The following AGAP1 variants were observed in gnomAD, a reference collection of about 807,000 sequenced individuals.
AGAP1 encodes the protein arf-GAP with GTPase, ANK repeat and PH domain-containing protein 1.
Under a neutral mutation model 105.3 loss-of-function variants are expected in AGAP1, and 29 were observed. That is an observed-to-expected ratio of 0.28 (90% CI 0.21 to 0.38). The LOEUF (loss-of-function observed/expected upper bound fraction) is 0.38. AGAP1 is among the 10% of genes least tolerant of loss of function. The pLI is 1.00. For missense variants in AGAP1, 998 were observed against 1,165.1 expected (o/e 0.86, Z 2.09); for synonymous variants, 509 against 485.9 (o/e 1.05, Z -0.63).
At chr2:235,763,356 C>T (rs1488804767) in intron 6 of AGAP1, among the ~76,000 whole-genome samples, 1 of 152,062 alleles carries the variant, frequency 6.6e-6, no homozygotes, top group Admixed American at 6.6e-5. Flanking sequence ...AAGAGATCCG[C>T]GACCGTGAAA....
rs1307751156 is a variant in AGAP1 at position 236,090,561 on chromosome 2, G to C, written c.2115-29631G>C. ...AAGCGAGTGAGAGGCGGGGGTCGGA[G>C]GGAGGCCTTCCTCCTGCAGCGTGTT... On this transcript the variant is annotated intron_variant, in intron 16 of 17. Coordinates refer to ENST00000304032, the MANE Select transcript of AGAP1 (RefSeq NM_001037131.3). This position sits in a 1 kb window ranked among gnomAD's most constrained non-coding sequence, Gnocchi z 4.3. Among the ~76,000 whole-genome samples the C allele has an allele frequency of 3.9e-5, 6 of 152,152 alleles. No individual in the cohort carries two copies. The highest frequency in any genetic ancestry group is 1.2e-4 in the African/African-American group (5 of 41,432).
At chr2:235,772,099 A>C (rs781345588) in intron 6 of AGAP1, among the ~76,000 whole-genome samples, 1 of 148,540 alleles carries the variant, frequency 6.7e-6, no homozygotes, top group Non-Finnish European at 1.5e-5. Flanking sequence ...AGTTCAAGTG[A>C]TTCTCTTGCC....
intron 1 of AGAP1, among the ~76,000 whole-genome samples, chr2:235,650,310 C>T (rs778536197): frequency 7.2e-5 from 11 of 152,126 alleles, no homozygotes; most frequent in Non-Finnish European, 1.3e-4. Flanking sequence ...TGCAATGAGC[C>T]GAGATTGTGC....
At chr2:235,680,887 C>T (rs569798077) in intron 1 of AGAP1, among the ~76,000 whole-genome samples, 77 of 152,292 alleles carry the variant, frequency 5.1e-4, no homozygotes, top group African/African-American at 1.7e-3. Flanking sequence ...TGAGCTGACA[C>T]TGGGACTGTG....
rs1334774893 is a variant in AGAP1, at chr2:235,566,590, AGTG to A, written c.163+71743_163+71745del. 2 of 985,336 alleles carry A rather than the reference AGTG, an allele frequency of 2.0e-6. No individual in the cohort carries two copies. The highest frequency in any genetic ancestry group is 5.2e-4 in the Middle Eastern group (1 of 1,914). The allele number at this position is 985,336 out of a possible 1,614,324, so 61.0% of individuals were successfully genotyped here. On this transcript the variant is annotated intron_variant, in intron 1 of 17. Coordinates refer to ENST00000304032, the MANE Select transcript of AGAP1 (RefSeq NM_001037131.3). This position sits in a 1 kb window ranked among gnomAD's most constrained non-coding sequence, Gnocchi z 5.2. ...AGAGGACTAGATGACCAGTGCTGTG[AGTG>A]GGCAGGTCTGTCTCCTGCCTCTCTT...
Position 235,557,816 on chromosome 2 carries a change from C to T in AGAP1, c.163+62967C>T, listed in dbSNP as rs931927065. 1.1e-4 allele frequency among the ~76,000 whole-genome samples: 16 copies of T among 152,256 alleles called. No homozygotes were observed. Among genetic ancestry groups the T allele is most frequent in the African/African-American group, 3.4e-4 (14 of 41,532 alleles). ...GAAAACAACGGACTTGGCTACATTT[C>T]GACAAGGGGAAGTTAGACACTTTAG... On this transcript the variant is annotated intron_variant, in intron 1 of 17. Coordinates refer to ENST00000304032, the MANE Select transcript of AGAP1 (RefSeq NM_001037131.3). The surrounding 1 kb of genome is among the most constrained non-coding windows in gnomAD (Gnocchi z 4.7).
chr2:235,579,283 CT>C (rs1438714998), intron 1 of AGAP1, among the ~76,000 whole-genome samples: 1 of 152,184 alleles, frequency 6.6e-6, no homozygotes, highest in Non-Finnish European at 1.5e-5. Flanking sequence ...TGCTTTAATC[CT>C]TCCTGGTGTG....
intron 1 of AGAP1, chr2:235,524,482 C>A: frequency 6.2e-6 from 2 of 324,234 alleles, no homozygotes; most frequent in African/African-American, 2.2e-5. Flanking sequence ...ATGCGATGGG[C>A]AGTTGCTTGT....
rs746451558 is a variant in AGAP1 at position 235,633,012 on chromosome 2, G to A, written c.164-76167G>A. On this transcript the variant is annotated intron_variant, in intron 1 of 17. Coordinates refer to ENST00000304032, the MANE Select transcript of AGAP1 (RefSeq NM_001037131.3). This position sits in a 1 kb window ranked among gnomAD's most constrained non-coding sequence, Gnocchi z 4.8. ...TCCTTCCAAACCAGAAGCCCGTGGT[G>A]CAGCCTCTGAACCCCCGACTCTTGG... Among the ~76,000 whole-genome samples, 5 of 151,982 alleles carry A rather than the reference G, an allele frequency of 3.3e-5. No homozygotes were observed. Among genetic ancestry groups the A allele is most frequent in the Admixed American group, 6.6e-5 (1 of 15,262 alleles).
Position 235,982,103 on chromosome 2 carries a change from C to T in AGAP1, c.1645+13480C>T, listed in dbSNP as rs1468276503. 1.3e-5 allele frequency among the ~76,000 whole-genome samples: 2 copies of T among 152,182 alleles called. No individual in the cohort carries two copies. The highest frequency in any genetic ancestry group is 4.8e-5 in the African/African-American group (2 of 41,432). ...GCATTTTTACAGCACTTAGAAAATA[C>T]CAGATCCACGAAGAACAAATGATCA... On this transcript the variant is annotated intron_variant, in intron 13 of 17. Coordinates refer to ENST00000304032, the MANE Select transcript of AGAP1 (RefSeq NM_001037131.3). The surrounding 1 kb of genome is among the most constrained non-coding windows in gnomAD (Gnocchi z 4.9).
In AGAP1 at chr2:236,051,823, G is replaced by A. The variant is rs1302641659; in HGVS notation, c.2114+2542G>A. Among the ~76,000 whole-genome samples, 1 of 152,194 alleles carries A rather than the reference G, an allele frequency of 6.6e-6. No individual in the cohort carries two copies. The highest frequency in any genetic ancestry group is 1.5e-5 in the Non-Finnish European group (1 of 68,038). ...TTCCCGCTGGAAGGCCAGGGTCCTG[G>A]TGGAGCATGCGGGAAGCCTTAACTA... On this transcript the variant is annotated intron_variant, in intron 16 of 17. Transcript: ENST00000304032. The surrounding 1 kb of genome is among the most constrained non-coding windows in gnomAD (Gnocchi z 5.9).
At chr2:235,839,979 A>T (rs1960621074) in intron 9 of AGAP1, among the ~76,000 whole-genome samples, 1 of 152,242 alleles carries the variant, frequency 6.6e-6, no homozygotes, top group African/African-American at 2.4e-5. Flanking sequence ...AAAAGGGGAA[A>T]ATTAAAATCT....
intron 1 of AGAP1, among the ~76,000 whole-genome samples, chr2:235,649,272 G>A (rs1175025995): frequency 6.6e-6 from 1 of 152,188 alleles, no homozygotes; most frequent in East Asian, 1.9e-4. Flanking sequence ...TTTATGCACA[G>A]GAAGCATCTG....
chr2:235,766,462 A>G (rs1026959006), intron 6 of AGAP1, among the ~76,000 whole-genome samples: 2 of 152,208 alleles, frequency 1.3e-5, no homozygotes, highest in African/African-American at 4.8e-5. Flanking sequence ...GTCACCATGG[A>G]GAATACAGAT....
intron 1 of AGAP1, among the ~76,000 whole-genome samples, chr2:235,588,939 G>GTTTC (rs1454128868): frequency 6.6e-6 from 1 of 152,094 alleles, no homozygotes; most frequent in East Asian, 1.9e-4. Flanking sequence ...TGGCCCCTAG[G>GTTTC]TTTCTCAGCA....
In AGAP1 at chr2:235,608,124, A is replaced by C. The variant is rs1209778043; in HGVS notation, c.164-101055A>C. ...GACCGGGTCGTTTTTAGCTTTGCCCACTTTTCATTTTTGGCTTCACAGAGT... is the reference window on the plus strand; with the variant it reads ...GACCGGGTCGTTTTTAGCTTTGCCCCCTTTTCATTTTTGGCTTCACAGAGT... On this transcript the variant is annotated intron_variant, in intron 1 of 17. Transcript: ENST00000304032. The surrounding 1 kb of genome is among the most constrained non-coding windows in gnomAD (Gnocchi z 5.4). Among the ~76,000 whole-genome samples, 1 of 151,618 alleles carries C rather than the reference A, an allele frequency of 6.6e-6. No individual in the cohort carries two copies. Among genetic ancestry groups the C allele is most frequent in the Non-Finnish European group, 1.5e-5 (1 of 67,968 alleles).
intron 10 of AGAP1, among the ~76,000 whole-genome samples, chr2:235,892,093 G>A (rs1177529945): frequency 5.3e-5 from 8 of 151,948 alleles, no homozygotes; most frequent in Non-Finnish European, 7.4e-5. Context: ...GACGGAGGTT[G>A]CAGTGAGCCG....
At chr2:235,524,308 T>G (rs1263043036) in intron 1 of AGAP1, 1 of 168,910 alleles carries the variant, frequency 5.9e-6, no homozygotes, top group Admixed American at 6.5e-5. Flanking sequence ...GATGTAACTT[T>G]TAGTCCTGCC....
intron 13 of AGAP1, among the ~76,000 whole-genome samples, chr2:235,986,941 G>A (rs1389094018): frequency 6.6e-6 from 1 of 151,860 alleles, no homozygotes; most frequent in Admixed American, 6.6e-5. Context: ...TTCTTTTTTT[G>A]TTGTGTCTCT....
Sources: allele counts gnomAD v4.1 joint callset (sites outside exome capture counted in the v4.1 genomes callset), GRCh38; gene constraint gnomAD v4.1.1; non-coding constraint Gnocchi (gnomAD v3.1); transcripts MANE v1.5; gene names NCBI Gene and HGNC (gene_info 2026-07-23, HGNC 2026-07-21).